Variants in FOXJ3 observed in about 807,000 individuals in gnomAD.
FOXJ3 encodes forkhead box protein J3.
In FOXJ3, 22 loss-of-function variants were observed where a neutral mutation model predicts 76.1. That is an observed-to-expected ratio of 0.29 (90% CI 0.21 to 0.41). The LOEUF is 0.41. FOXJ3 is among the 10% of genes least tolerant of loss of function. The probability of loss-of-function intolerance (pLI) is 1.00; values close to 1 mark genes in which losing one functional copy is unlikely to be tolerated. For synonymous variants in FOXJ3, 269 were observed against 261.2 expected (o/e 1.03, Z -0.29); for missense variants, 613 against 762.1 (o/e 0.80, Z 2.30).
intron 1 of FOXJ3, among the ~76,000 whole-genome samples, chr1:42,316,611 G>A (rs1655125903): frequency 6.6e-6 from 1 of 152,066 alleles, no homozygotes; most frequent in African/African-American, 2.4e-5. Context: ...GTTACTGTGT[G>A]ACCTTGGATA....
intron 4 of FOXJ3, among the ~76,000 whole-genome samples, chr1:42,252,492 G>A (rs764689869): frequency 1.4e-4 from 22 of 151,818 alleles, no homozygotes; most frequent in African/African-American, 4.8e-4. Context: ...TTTTTATTGC[G>A]TCTATTTGAT....
chr1:42,328,370 C>G (rs1354659428), intron 1 of FOXJ3, among the ~76,000 whole-genome samples: 1 of 152,210 alleles, frequency 6.6e-6, no homozygotes, highest in Non-Finnish European at 1.5e-5. Flanking sequence ...ACAGAGTTCT[C>G]TAAGTCTGTG....
intron 3 of FOXJ3, among the ~76,000 whole-genome samples, chr1:42,276,103 C>T (rs1158530195): frequency 6.6e-6 from 1 of 152,148 alleles, no homozygotes; most frequent in Admixed American, 6.5e-5. Flanking sequence ...CACCTGTAAT[C>T]CCAACACTTT....
chr1:42,197,845 C>T (rs920318194), intron 7 of FOXJ3, among the ~76,000 whole-genome samples: 1 of 152,074 alleles, frequency 6.6e-6, no homozygotes, highest in Non-Finnish European at 1.5e-5. Context: ...ACTATGTTGG[C>T]CAGGCTGATA....
At chr1:42,250,325 T>C in intron 4 of FOXJ3, among the ~76,000 whole-genome samples, 1 of 152,198 alleles carries the variant, frequency 6.6e-6, no homozygotes, top group South Asian at 2.1e-4. Context: ...TTCACAGGAT[T>C]GCTAAACACT....
At chr1:42,323,218 A>G (rs1483742373) in intron 1 of FOXJ3, among the ~76,000 whole-genome samples, 1 of 152,204 alleles carries the variant, frequency 6.6e-6, no homozygotes, top group Non-Finnish European at 1.5e-5. Context: ...TGCACATTCC[A>G]TAATTAAAGA....
Position 42,198,480 on chromosome 1 carries a change from G to A in FOXJ3, c.759+622C>T, listed in dbSNP as rs182675510. On this transcript the variant is annotated intron_variant, in intron 7 of 12. Transcript: ENST00000361346. ...CAAACAATGTGGTGTGTAGCTCTTGGGCTCTATTATCTGCTCACTGAGGAA... is the reference window on the plus strand; with the variant it reads ...CAAACAATGTGGTGTGTAGCTCTTGAGCTCTATTATCTGCTCACTGAGGAA... Among the ~76,000 whole-genome samples the A allele has an allele frequency of 1.1e-3, 174 of 152,140 alleles. No homozygotes were observed. In the East Asian group the frequency reaches 0.015, roughly 13 times the overall value.
At position 42,177,502 on chromosome 1, in the gene FOXJ3, CCT is replaced by C. The variant is rs1646236623; in HGVS notation, c.*2206_*2207del. The C allele has an allele frequency of 6.6e-6, 1 of 152,482 alleles. No homozygotes were observed. Among genetic ancestry groups the C allele is most frequent in the Non-Finnish European group, 1.5e-5 (1 of 68,016 alleles). The allele number at this position is 152,482 out of a possible 1,614,324, so 9.4% of individuals were successfully genotyped here. On this transcript the variant is annotated 3_prime_UTR_variant, in exon 13 of 13. Coordinates refer to ENST00000361346, the MANE Select transcript of FOXJ3 (RefSeq NM_014947.5). ...CTTAAGCAAACCATTGAAAATCACC[CCT>C]CTTTTTTCAAGCATTTACTCTGCAG...
At chr1:42,189,194 G>T (rs1294716977) in intron 10 of FOXJ3, 109 bp downstream of exon 10, 2 of 777,412 alleles carry the variant, frequency 2.6e-6, no homozygotes, top group Non-Finnish European at 4.2e-6. Flanking sequence ...AACTGCAAAA[G>T]AAATGCTATA....
Position 42,188,734 on chromosome 1 carries a change from T to C in FOXJ3, c.1645+3A>G, listed in dbSNP as rs367714767. ...AAAATCAAGAAGATAACTAACCCCA[T>C]ACCTGTTCCAATGTGTTGGGAAGGT... is the stretch of plus-strand genomic sequence containing the variant. On this transcript the variant is annotated splice_donor_region_variant and intron_variant, in intron 11 of 12. Coordinates refer to ENST00000361346, the MANE Select transcript of FOXJ3 (RefSeq NM_014947.5). 2 of 1,563,230 alleles carry C rather than the reference T, an allele frequency of 1.3e-6. No individual in the cohort carries two copies. Among genetic ancestry groups the C allele is most frequent in the Admixed American group, 3.6e-5 (2 of 55,542 alleles).
intron 8 of FOXJ3, 125 bp from the exon 9 acceptor site, chr1:42,191,844 T>C (rs1203952400): frequency 3.0e-6 from 3 of 995,154 alleles, no homozygotes; most frequent in African/African-American, 3.2e-5. Context: ...ATTTAATAAG[T>C]GTTAATCCAA....
At chr1:42,219,494 C>A (rs1373081210) in intron 5 of FOXJ3, among the ~76,000 whole-genome samples, 1 of 152,212 alleles carries the variant, frequency 6.6e-6, no homozygotes, top group Non-Finnish European at 1.5e-5. Flanking sequence ...GGGAGGTCTA[C>A]TGTACCATTT....
intron 4 of FOXJ3, among the ~76,000 whole-genome samples, chr1:42,230,240 T>C (rs1427119301): frequency 2.6e-5 from 4 of 152,194 alleles, no homozygotes; most frequent in Non-Finnish European, 5.9e-5. Context: ...ATCTCTGAAA[T>C]CACAGGTTTG....
In FOXJ3 at chr1:42,178,048, T is replaced by G. The variant is rs1194221497; in HGVS notation, c.*1662A>C. 6.6e-6 allele frequency: 1 copy of G among 152,542 alleles called. No homozygotes were observed. The highest frequency in any genetic ancestry group is 2.4e-5 in the African/African-American group (1 of 41,402). 9.4% of individuals were successfully genotyped at this position (152,542 alleles called of 1,614,324 possible). ...AAAAAAACCCTCATTTCTTCTAGTT[T>G]TATCATAAAACTAAGATAATCAGTC... On this transcript the variant is annotated 3_prime_UTR_variant, in exon 13 of 13. Coordinates refer to ENST00000361346, the MANE Select transcript of FOXJ3 (RefSeq NM_014947.5).
At chr1:42,230,112 C>A (rs1462477684) in intron 4 of FOXJ3, among the ~76,000 whole-genome samples, 4 of 152,174 alleles carry the variant, frequency 2.6e-5, no homozygotes, top group African/African-American at 9.7e-5. Flanking sequence ...TACCTATCCA[C>A]TAGGTATTCA....
Position 42,241,131 on chromosome 1 carries a change from A to G in FOXJ3, c.445-13165T>C, listed in dbSNP as rs191903313. On this transcript the variant is annotated intron_variant, in intron 4 of 12. Transcript: ENST00000361346. ...ATAAGTGAGTGATTCCCAGAGGTCC[A>G]CATTCTCATTATGAACATTTGCAAC... Among the ~76,000 whole-genome samples the G allele has an allele frequency of 6.8e-4, 104 of 152,294 alleles. 1 individual carries two copies. The highest frequency in any genetic ancestry group is 2.4e-4 in the Non-Finnish European group (16 of 68,014).
chr1:42,300,527 G>A (rs1239548959), intron 2 of FOXJ3, among the ~76,000 whole-genome samples: 2 of 152,146 alleles, frequency 1.3e-5, no homozygotes, highest in Admixed American at 6.6e-5. Context: ...TGTAATCCCA[G>A]TATGTTGAGA....
At position 42,179,795 on chromosome 1, in the gene FOXJ3, A is replaced by G. The variant is rs1008981144; in HGVS notation, c.1784T>C (p.Met595Thr). 3.2e-5 allele frequency: 52 copies of G among 1,613,582 alleles called. No individual in the cohort carries two copies. The highest frequency in any genetic ancestry group is 4.3e-5 in the Non-Finnish European group (51 of 1,179,744). Residue 595 changes from methionine (M) to threonine (T), a missense_variant, in exon 13 of 13, where the codon ATG becomes ACG. Physicochemically the swap from Met to Thr is moderately conservative, Grantham distance 81. Transcript: ENST00000361346. Reference protein sequence around the residue: ...GHHRAMNQQHMMPSQAFQMRR... With the variant: ...GHHRAMNQQHTMPSQAFQMRR... ...CATCTGGAAGGCTTGGGAAGGCATC[A>G]TGTGCTGCTGGTTCATGGCTCTGTG...
At chr1:42,250,527 G>C (rs1649940301) in intron 4 of FOXJ3, among the ~76,000 whole-genome samples, 1 of 152,036 alleles carries the variant, frequency 6.6e-6, no homozygotes, top group Non-Finnish European at 1.5e-5. Context: ...ACACAAGAAG[G>C]ACCAAAGGGA....
Sources: allele counts gnomAD v4.1 joint callset (sites outside exome capture counted in the v4.1 genomes callset), GRCh38; gene constraint gnomAD v4.1.1; transcripts MANE v1.5; gene names NCBI Gene and HGNC (gene_info 2026-07-23, HGNC 2026-07-21).